SHISA9: variants seen among roughly 807,000 people sequenced by gnomAD.
The protein encoded by SHISA9 is shisa family member 9, also known as protein shisa-9.
SHISA9 carries 13 observed loss-of-function variants against 38.0 expected under a neutral mutation model. The ratio of observed to expected loss-of-function variants is 0.34; its 90% CI spans 0.22 to 0.54. The LOEUF (loss-of-function observed/expected upper bound fraction) is 0.54, where lower values mean the gene tolerates loss of function less well. SHISA9 is among the 20% of genes least tolerant of loss of function. SHISA9 has a pLI of 0.91. For synonymous variants in SHISA9, 275 were observed against 242.0 expected, an observed-to-expected ratio of 1.14 and a Z score of -1.27; for missense variants, 538 against 575.8, an observed-to-expected ratio of 0.93 and a Z score of 0.67.
chr16:12,931,820 T>C (rs2071465089), intron 2 of SHISA9, among the ~76,000 whole-genome samples: 1 of 152,320 alleles, frequency 6.6e-6, no homozygotes, highest in Admixed American at 6.5e-5. Context: ...AAGCAAGTAC[T>C]GTATGTGAAA....
the SHISA9 span, among the ~76,000 whole-genome samples, chr16:13,259,039 A>G: frequency 6.6e-6 from 1 of 152,216 alleles, no homozygotes; most frequent in South Asian, 2.1e-4. Flanking sequence ...ATCTGAGACA[A>G]GGCAAGTCCC....
chr16:13,497,685 CAA>C, the SHISA9 span, among the ~76,000 whole-genome samples: 11 of 106,348 alleles, frequency 1.0e-4, no homozygotes, highest in African/African-American at 1.4e-4. Flanking sequence ...ACTCCGTCTC[CAA>C]AAAAAAAAAA....
intron 2 of SHISA9, among the ~76,000 whole-genome samples, chr16:13,111,418 C>T (rs1444277155): frequency 6.6e-6 from 1 of 151,600 alleles, no homozygotes; most frequent in Non-Finnish European, 1.5e-5. Context: ...TGGCAGACTC[C>T]CTGAGTTCAA....
chr16:12,920,017 C>T (rs78089297), intron 2 of SHISA9, among the ~76,000 whole-genome samples: 33,403 of 152,194 alleles, frequency 0.22, 4,744 homozygotes, highest in Non-Finnish European at 0.31. Flanking sequence ...ACACCCCTCT[C>T]CCCCTTTCGG....
chr16:13,540,220 CACAT>C, the SHISA9 span, among the ~76,000 whole-genome samples: 7 of 144,002 alleles, frequency 4.9e-5, no homozygotes, highest in Non-Finnish European at 1.1e-4. Flanking sequence ...CACACACACA[CACAT>C]AAACCTCCTA....
chr16:13,407,070 C>CAAAAAAA, the SHISA9 span, among the ~76,000 whole-genome samples: 1 of 45,592 alleles, frequency 2.2e-5, no homozygotes, highest in African/African-American at 8.8e-5. Flanking sequence ...CTCTGTCTCA[C>CAAAAAAA]AAAAAAAAAA....
At chr16:13,077,818 C>T (rs140809589) in intron 2 of SHISA9, among the ~76,000 whole-genome samples, 1 of 152,116 alleles carries the variant, frequency 6.6e-6, no homozygotes, top group African/African-American at 2.4e-5. Context: ...TACAGCCAGC[C>T]TTAGTCAATT....
intron 2 of SHISA9, among the ~76,000 whole-genome samples, chr16:13,086,078 C>T (rs929311701): frequency 2.0e-5 from 3 of 152,050 alleles, no homozygotes; most frequent in Admixed American, 2.0e-4. Flanking sequence ...TTGTCATTGG[C>T]CTGTCACAGT....
At chr16:13,177,656 T>TTG (rs1243355320) in intron 2 of SHISA9, among the ~76,000 whole-genome samples, 2,642 of 151,590 alleles carry the variant, frequency 0.017, 40 homozygotes, top group Non-Finnish European at 0.027. Flanking sequence ...TTCACGGTGT[T>TTG]TTTGTTTGTT....
At chr16:13,234,933 C>A in intron 4 of SHISA9, 97 bp from the exon 5 acceptor site, 1 of 1,402,082 alleles carries the variant, frequency 7.1e-7, no homozygotes, top group Non-Finnish European at 9.5e-7. Context: ...TTATGCTGTT[C>A]TTGGGTTGAC....
the SHISA9 span, among the ~76,000 whole-genome samples, chr16:13,403,149 T>C: frequency 2.0e-5 from 3 of 151,648 alleles, no homozygotes; most frequent in African/African-American, 7.3e-5. Flanking sequence ...GTTGTTTAAG[T>C]CACCTAGTTT....
chr16:13,048,694 T>C (rs1450207568), intron 2 of SHISA9, among the ~76,000 whole-genome samples: 1 of 152,222 alleles, frequency 6.6e-6, no homozygotes, highest in Admixed American at 6.5e-5. Context: ...AGTGCTGGGA[T>C]TACAGGCATG....
the SHISA9 span, among the ~76,000 whole-genome samples, chr16:13,558,625 T>G: frequency 6.6e-6 from 1 of 152,224 alleles, no homozygotes; most frequent in African/African-American, 2.4e-5. Context: ...TGAGCAACAC[T>G]TATCCAACAC....
chr16:13,459,119 G>T, the SHISA9 span, among the ~76,000 whole-genome samples: 1 of 152,070 alleles, frequency 6.6e-6, no homozygotes, highest in African/African-American at 2.4e-5. Flanking sequence ...CTCCCAGAGT[G>T]CTGGGATTAC....
intron 2 of SHISA9, among the ~76,000 whole-genome samples, chr16:13,198,529 C>A (rs1480577358): frequency 6.6e-6 from 1 of 152,052 alleles, no homozygotes; most frequent in Non-Finnish European, 1.5e-5. Context: ...TTTCACTCAC[C>A]CTATTGTTCT....
the SHISA9 span, among the ~76,000 whole-genome samples, chr16:13,248,612 GA>G: frequency 1.3e-5 from 2 of 152,152 alleles, no homozygotes; most frequent in East Asian, 3.9e-4. Flanking sequence ...TTGAGCAGTT[GA>G]GGTAAGATAT....
chr16:13,067,530 T>C (rs997986715), intron 2 of SHISA9, among the ~76,000 whole-genome samples: 3 of 152,272 alleles, frequency 2.0e-5, no homozygotes, highest in Non-Finnish European at 2.9e-5. Context: ...ATGTGTTCTA[T>C]GTGGCATGTA....
At chr16:13,286,784 T>A in the SHISA9 span, among the ~76,000 whole-genome samples, 1 of 152,188 alleles carries the variant, frequency 6.6e-6, no homozygotes, top group East Asian at 1.9e-4. Flanking sequence ...CCAAATAAAC[T>A]TCTTGACCTG....
chr16:13,092,207 G>A (rs955823219), intron 2 of SHISA9, among the ~76,000 whole-genome samples: 1 of 152,182 alleles, frequency 6.6e-6, no homozygotes, highest in Non-Finnish European at 1.5e-5. Context: ...CGTCCGAGAG[G>A]GGCAGCCACC....
Sources: gnomAD v4.1 joint callset for allele counts (sites outside exome capture counted in the v4.1 genomes callset) on GRCh38, gnomAD v4.1.1 for gene constraint, MANE v1.5 for transcripts, NCBI Gene and HGNC (gene_info 2026-07-23, HGNC 2026-07-21) for gene names.